FOXO3: variants seen among roughly 807,000 people sequenced by gnomAD.
FOXO3 encodes the protein forkhead box O3.
FOXO3 carries 4 observed loss-of-function variants against 41.9 expected under a neutral mutation model. The ratio of observed to expected loss-of-function variants is 0.10; its 90% CI spans 0.05 to 0.22. The LOEUF (loss-of-function observed/expected upper bound fraction) is 0.22, where lower values mean the gene tolerates loss of function less well. Among genes scored for constraint, FOXO3 ranks in the 10% least tolerant of loss-of-function variants. FOXO3 has a pLI of 1.00. For missense variants in FOXO3, 534 were observed against 906.8 expected (o/e 0.59, Z 5.28); for synonymous variants, 318 against 389.3 (o/e 0.82, Z 2.16).
At chr6:108,657,360 A>G (rs996777114) in intron 1 of FOXO3, among the ~76,000 whole-genome samples, 1 of 152,206 alleles carries the variant, frequency 6.6e-6, no homozygotes, top group Admixed American at 6.5e-5. Flanking sequence ...AATTTAAATC[A>G]CATGATTTTG....
In FOXO3 at chr6:108,682,494, C is replaced by T. The variant is rs1770901279; in HGVS notation, c.*2702C>T. 6.6e-6 allele frequency: 1 copy of T among 152,296 alleles called. No individual in the cohort carries two copies. The highest frequency in any genetic ancestry group is 1.5e-5 in the Non-Finnish European group (1 of 68,122). The allele number at this position is 152,296 out of a possible 1,614,324, so 9.4% of individuals were successfully genotyped here. A position where few individuals can be genotyped will look rare whatever the true frequency, so the allele number is the denominator to read the frequency against. Reference sequence around the variant, plus strand: ...CAAGTGCAGCATCAGTACTGCGAGACCCACCAGCCCCTGGAGAGGGTCAGC... The same window carrying T: ...CAAGTGCAGCATCAGTACTGCGAGATCCACCAGCCCCTGGAGAGGGTCAGC... On this transcript the variant is annotated 3_prime_UTR_variant, in exon 3 of 3. Coordinates refer to ENST00000406360, the MANE Select transcript of FOXO3 (RefSeq NM_001455.4).
chr6:108,632,839 T>C (rs1778013488), intron 1 of FOXO3, among the ~76,000 whole-genome samples: 1 of 152,226 alleles, frequency 6.6e-6, no homozygotes, highest in African/African-American at 2.4e-5. Flanking sequence ...AGATTTCTAC[T>C]TTACCAAGAA....
rs886836999 is a variant in FOXO3, at chr6:108,649,515, C to CTTT, written c.622-13916_622-13914dup. ...ATCCCTAGTTCACCACCACCCTCAG[C>CTTT]TTTTTTTTTTTTTTTTTTTTTTTTT... On this transcript the variant is annotated intron_variant, in intron 1 of 2. Coordinates refer to ENST00000406360, the MANE Select transcript of FOXO3 (RefSeq NM_001455.4). Among the ~76,000 whole-genome samples, 45 of 95,206 alleles carry CTTT rather than the reference C, an allele frequency of 4.7e-4. 1 individual carries two copies. Among genetic ancestry groups the CTTT allele is most frequent in the Non-Finnish European group, 6.6e-4 (31 of 46,890 alleles). 62.5% of individuals were successfully genotyped at this position (95,206 alleles called of 152,430 possible). A position where few individuals can be genotyped will look rare whatever the true frequency, so the allele number is the denominator to read the frequency against.
intron 1 of FOXO3, among the ~76,000 whole-genome samples, chr6:108,610,708 C>T (rs1777336609): frequency 6.6e-6 from 1 of 152,190 alleles, no homozygotes; most frequent in African/African-American, 2.4e-5. Flanking sequence ...CTTTTCCTCC[C>T]TCCACATCTT....
chr6:108,607,682 C>G (rs1236086615), intron 1 of FOXO3, among the ~76,000 whole-genome samples: 1 of 152,150 alleles, frequency 6.6e-6, no homozygotes, highest in Non-Finnish European at 1.5e-5. Flanking sequence ...TTTCTGCCAG[C>G]TGACATGTAG....
At chr6:108,616,325 T>C (rs1179801464) in intron 1 of FOXO3, among the ~76,000 whole-genome samples, 1 of 151,894 alleles carries the variant, frequency 6.6e-6, no homozygotes. Flanking sequence ...CCACCACGCC[T>C]GGCTAATTTT....
At chr6:108,563,731 T>C (rs1293031293) in intron 1 of FOXO3, among the ~76,000 whole-genome samples, 6 of 152,232 alleles carry the variant, frequency 3.9e-5, no homozygotes, top group African/African-American at 1.4e-4. Context: ...AAAAATAATT[T>C]AATTTCACAA....
In FOXO3 at chr6:108,614,691, G is replaced by C. The variant is rs374120726; in HGVS notation, c.622-48764G>C. On this transcript the variant is annotated intron_variant, in intron 1 of 2. Transcript: ENST00000406360. ...TGACAATCTCTGGCTTTTATTTGGA[G>C]GGTTTTTTGTTGATGTTTTGGTTTT... 6.9e-4 allele frequency among the ~76,000 whole-genome samples: 104 copies of C among 150,864 alleles called. 1 individual carries two copies. The Middle Eastern group carries it at 0.024, about 35-fold the overall frequency.
chr6:108,572,673 A>G (rs542824061), intron 1 of FOXO3, among the ~76,000 whole-genome samples: 23 of 151,984 alleles, frequency 1.5e-4, no homozygotes, highest in African/African-American at 5.1e-4. Context: ...AGATATGTGT[A>G]GTTTTTGCAA....
chr6:108,589,221 A>T (rs1214117171), intron 1 of FOXO3, among the ~76,000 whole-genome samples: 2 of 152,232 alleles, frequency 1.3e-5, no homozygotes, highest in African/African-American at 4.8e-5. Flanking sequence ...GGTAGAGAGA[A>T]ATATAGGCTG....
At chr6:108,619,676 A>G (rs1302735525) in intron 1 of FOXO3, among the ~76,000 whole-genome samples, 5 of 152,228 alleles carry the variant, frequency 3.3e-5, no homozygotes, top group Non-Finnish European at 5.9e-5. Context: ...ATTACTAAAA[A>G]TAATGAATGG....
In FOXO3 at chr6:108,661,323, A is replaced by AAT. The variant is rs747283238; in HGVS notation, c.622-2121_622-2120dup. Among the ~76,000 whole-genome samples, 723 of 151,834 alleles carry AAT rather than the reference A, an allele frequency of 4.8e-3. 6 individuals carry two copies. Among genetic ancestry groups the AAT allele is most frequent in the African/African-American group, 0.015 (637 of 41,298 alleles). On this transcript the variant is annotated intron_variant, in intron 1 of 2. Coordinates refer to ENST00000406360, the MANE Select transcript of FOXO3 (RefSeq NM_001455.4). ...CAGTTCGTGATTGCCAATTTAAACA[A>AAT]ATATATATATATGTATATATAACTT...
At chr6:108,662,808 A>G (rs1778906866) in intron 1 of FOXO3, among the ~76,000 whole-genome samples, 2 of 152,186 alleles carry the variant, frequency 1.3e-5, no homozygotes, top group African/African-American at 2.4e-5. Flanking sequence ...GTGAACTTCA[A>G]TATGGGCAAT....
At position 108,630,755 on chromosome 6, in the gene FOXO3, T is replaced by G. The variant is rs190273963; in HGVS notation, c.622-32700T>G. On this transcript the variant is annotated intron_variant, in intron 1 of 2. Coordinates refer to ENST00000406360, the MANE Select transcript of FOXO3 (RefSeq NM_001455.4). The stretch of plus-strand genomic sequence containing the variant: ...TAACTCTTTGCAACATGTTTTGCTT[T>G]AAGTATTTTTAAAAAAAAGCTTTTT... 2.3e-3 allele frequency among the ~76,000 whole-genome samples: 346 copies of G among 152,290 alleles called. 1 individual carries two copies. The highest frequency in any genetic ancestry group is 7.5e-3 in the South Asian group (36 of 4,828).
Position 108,605,742 on chromosome 6 carries a change from AC to A in FOXO3, c.621+43915del, listed in dbSNP as rs558379062. Among the ~76,000 whole-genome samples, 12 of 152,340 alleles carry A rather than the reference AC, an allele frequency of 7.9e-5. 1 individual carries two copies. In the South Asian group the frequency reaches 2.5e-3, roughly 32 times the overall value. ...TATCAAGATGTTTCTTGTTTTGATT[AC>A]CTGCTTAGATAAAGCAAGGGAACAG... On this transcript the variant is annotated intron_variant, in intron 1 of 2. Transcript: ENST00000406360.
intron 1 of FOXO3, among the ~76,000 whole-genome samples, chr6:108,590,566 T>C (rs929679491): frequency 2.6e-5 from 4 of 152,196 alleles, no homozygotes; most frequent in African/African-American, 9.7e-5. Flanking sequence ...CCCTAAGATA[T>C]TTTATTATGT....
intron 1 of FOXO3, among the ~76,000 whole-genome samples, chr6:108,585,051 T>C (rs1776537658): frequency 7.0e-6 from 1 of 143,410 alleles, no homozygotes; most frequent in African/African-American, 2.6e-5. Context: ...TTTTTTTTTT[T>C]TGAGACAGAG....
intron 1 of FOXO3, among the ~76,000 whole-genome samples, chr6:108,599,133 C>T (rs923412202): frequency 6.6e-6 from 1 of 152,156 alleles, no homozygotes; most frequent in African/African-American, 2.4e-5. Flanking sequence ...TGTCCTCCAC[C>T]TTCCTTTCAC....
At chr6:108,573,102 C>A (rs190290619) in intron 1 of FOXO3, among the ~76,000 whole-genome samples, 149 of 151,972 alleles carry the variant, frequency 9.8e-4, no homozygotes, top group South Asian at 5.4e-3. Flanking sequence ...CTGGCTAACA[C>A]GGTGAAACCC....
Sources: allele counts gnomAD v4.1 joint callset (sites outside exome capture counted in the v4.1 genomes callset), GRCh38; gene constraint gnomAD v4.1.1; transcripts MANE v1.5; gene names NCBI Gene and HGNC (gene_info 2026-07-23, HGNC 2026-07-21).